The following UNC13B variants were observed in gnomAD, a reference collection of about 807,000 sequenced individuals.
UNC13B encodes protein unc-13 homolog B.
UNC13B carries 144 observed loss-of-function variants against 211.0 expected under a neutral mutation model. That is an observed-to-expected ratio of 0.68 (90% CI 0.60 to 0.78). The LOEUF (loss-of-function observed/expected upper bound fraction) is 0.78, where lower values mean the gene tolerates loss of function less well. Ranked by LOEUF, UNC13B falls within the 30% of genes least tolerant of loss-of-function variation. UNC13B has a pLI of 0.00. For missense variants in UNC13B, 1,777 were observed against 2,002.0 expected (o/e 0.89, Z 2.14); for synonymous variants, 709 against 725.8 (o/e 0.98, Z 0.37).
chr9:35,300,927 A>T lies in UNC13B; in HGVS notation c.1523A>T (p.Asp508Val). 1 of 398,982 alleles carries T rather than the reference A, an allele frequency of 2.5e-6. No individual in the cohort carries two copies. The highest frequency in any genetic ancestry group is 4.4e-6 in the Non-Finnish European group (1 of 226,038). The allele number at this position is 398,982 out of a possible 1,614,324, so 24.7% of individuals were successfully genotyped here. A position where few individuals can be genotyped will look rare whatever the true frequency, so the allele number is the denominator to read the frequency against. The change falls in exon 9 of 40, where the codon GAT becomes GTT. Residue 508 changes from aspartate to valine, a missense_variant. By Grantham distance (152) the Asp-to-Val change is radical. Transcript: ENST00000635942. Reference protein sequence around the residue: ...TLDAEQRTPGDQIPPLTIVKN... With the variant: ...TLDAEQRTPGVQIPPLTIVKN... ...GATGCAGAACAGAGAACGCCTGGGG[A>T]TCAAATACCACCTTTAACTATTGTC...
chr9:35,243,079 C>T (rs1825894382), intron 5 of UNC13B, among the ~76,000 whole-genome samples: 1 of 152,108 alleles, frequency 6.6e-6, no homozygotes, highest in Non-Finnish European at 1.5e-5. Context: ...GCTTCTTCAT[C>T]TACAAAATAA....
chr9:35,390,114 C>A, intron 25 of UNC13B, 141 bp downstream of exon 25: 1 of 1,452,148 alleles, frequency 6.9e-7, no homozygotes, highest in Non-Finnish European at 9.3e-7. Context: ...TCCCTTGTAT[C>A]TGTCTGGGTA....
At chr9:35,279,031 T>C (rs1285087479) in intron 7 of UNC13B, among the ~76,000 whole-genome samples, 1 of 152,184 alleles carries the variant, frequency 6.6e-6, no homozygotes, top group Non-Finnish European at 1.5e-5. Flanking sequence ...ATAATGGACA[T>C]TTTAAAAATT....
At chr9:35,381,373 A>G (rs572789196) in intron 19 of UNC13B, among the ~76,000 whole-genome samples, 158 bp downstream of exon 19, 1 of 152,214 alleles carries the variant, frequency 6.6e-6, no homozygotes, top group Non-Finnish European at 1.5e-5. Context: ...CTGAACTCAG[A>G]CTGCATTCTC....
intron 11 of UNC13B, among the ~76,000 whole-genome samples, chr9:35,348,641 G>A (rs1832522379): frequency 2.0e-5 from 3 of 152,164 alleles, no homozygotes; most frequent in Admixed American, 2.0e-4. Context: ...TTGACTCAGG[G>A]ACTTGCCACA....
At chr9:35,252,786 C>T (rs1335921020) in intron 6 of UNC13B, among the ~76,000 whole-genome samples, 2 of 151,902 alleles carry the variant, frequency 1.3e-5, no homozygotes, top group African/African-American at 4.8e-5. Flanking sequence ...AAAAATTAGC[C>T]GGGCGTGTTG....
intron 1 of UNC13B, among the ~76,000 whole-genome samples, chr9:35,198,267 TGTGA>T (rs1266647972): frequency 1.3e-5 from 2 of 152,204 alleles, no homozygotes; most frequent in Non-Finnish European, 2.9e-5. Context: ...GCTTTTCTCC[TGTGA>T]GTGAGTAAGT....
rs1255847216 is a variant in UNC13B, at chr9:35,311,570, C to T, written c.9323+789C>T. Among the ~76,000 whole-genome samples the T allele has an allele frequency of 2.6e-5, 4 of 152,260 alleles. No individual in the cohort carries two copies. The East Asian group carries it at 5.8e-4, about 22-fold the overall frequency. ...TGTGTTGAAGTACTCAGAACAGTGA[C>T]CTGGTACCTATTCTGCTGGTATGGG... On this transcript the variant is annotated intron_variant, in intron 10 of 39. Transcript: ENST00000635942.
intron 13 of UNC13B, among the ~76,000 whole-genome samples, chr9:35,370,788 G>T (rs1223850785): frequency 6.6e-6 from 1 of 152,208 alleles, no homozygotes; most frequent in Non-Finnish European, 1.5e-5. Context: ...ACTGGAGCTT[G>T]ATGCCTTCTT....
chr9:35,375,694 A>T (rs1207217932), intron 14 of UNC13B, among the ~76,000 whole-genome samples: 2 of 152,214 alleles, frequency 1.3e-5, no homozygotes, highest in Non-Finnish European at 2.9e-5. Flanking sequence ...CCCAAAAGTC[A>T]TGGGGACCAG....
intron 1 of UNC13B, among the ~76,000 whole-genome samples, chr9:35,179,274 A>G (rs1162885354): frequency 6.6e-6 from 1 of 152,098 alleles, no homozygotes; most frequent in Non-Finnish European, 1.5e-5. Context: ...TTTGCTTAGG[A>G]TATATTCGTG....
rs775845912 is a variant in UNC13B, at chr9:35,310,537, G to C, written c.9079G>C (p.Asp3027His). 2.8e-5 allele frequency: 45 copies of C among 1,614,110 alleles called. 1 individual carries two copies. The highest frequency in any genetic ancestry group is 1.3e-4 in the East Asian group (6 of 44,876). The change falls in exon 10 of 40, where the codon GAC (aspartate) becomes CAC (histidine). Residue 3027 changes from aspartate (D) to histidine (H), a missense_variant. By Grantham distance (81) the Asp-to-His change is moderately conservative. Coordinates refer to ENST00000635942, the MANE Select transcript of UNC13B (RefSeq NM_001371189.2). The stretch of plus-strand genomic sequence containing the variant: ...AGGAAGCTCTCAGCTAAGTGAACTA[G>C]ACCAGTATCACGAACAAGATGACGA... ...SQGSSQLSEL[D>H]QYHEQDDDHR...
At chr9:35,295,590 T>C in intron 7 of UNC13B, 106 bp from the exon 8 acceptor site, 2 of 1,083,234 alleles carry the variant, frequency 1.8e-6, no homozygotes, top group East Asian at 2.4e-5. Context: ...CTCAGCTTGC[T>C]TTTGTTCTCA....
chr9:35,344,515 A>G (rs1475128321), intron 11 of UNC13B, among the ~76,000 whole-genome samples: 1 of 152,196 alleles, frequency 6.6e-6, no homozygotes, highest in Non-Finnish European at 1.5e-5. Context: ...ACTGTGTGTC[A>G]GGCATAGTAA....
chr9:35,263,876 A>C (rs1486711127), intron 7 of UNC13B, among the ~76,000 whole-genome samples: 1 of 152,172 alleles, frequency 6.6e-6, no homozygotes, highest in Non-Finnish European at 1.5e-5. Flanking sequence ...AGCCCTCACC[A>C]GGAATTGAAT....
chr9:35,166,363 G>A (rs966925227), intron 1 of UNC13B, among the ~76,000 whole-genome samples: 7 of 152,072 alleles, frequency 4.6e-5, no homozygotes, highest in African/African-American at 1.4e-4. Context: ...CTTGGGTGAC[G>A]AAGTGAGACC....
chr9:35,217,410 T>C (rs78272683), intron 1 of UNC13B, among the ~76,000 whole-genome samples: 2 of 150,658 alleles, frequency 1.3e-5, no homozygotes, highest in Non-Finnish European at 3.0e-5. Flanking sequence ...TTTTTTTTTT[T>C]GAGACAGAGT....
chr9:35,227,353 C>CT (rs909702156), intron 1 of UNC13B, among the ~76,000 whole-genome samples: 14 of 151,566 alleles, frequency 9.2e-5, no homozygotes, highest in South Asian at 4.2e-4. Context: ...TTTTCTTCAC[C>CT]TTTTTTTTTC....
At chr9:35,244,470 A>G (rs1440600156) in intron 6 of UNC13B, among the ~76,000 whole-genome samples, 1 of 152,200 alleles carries the variant, frequency 6.6e-6, no homozygotes, top group Non-Finnish European at 1.5e-5. Flanking sequence ...ACAGTTCTGT[A>G]GACTGGAAGT....
Sources: gnomAD v4.1 joint callset for allele counts (sites outside exome capture counted in the v4.1 genomes callset) on GRCh38, gnomAD v4.1.1 for gene constraint, MANE v1.5 for transcripts, NCBI Gene and HGNC (gene_info 2026-07-23, HGNC 2026-07-21) for gene names.